The following RBFOX1 variants were observed in gnomAD, a reference collection of about 807,000 sequenced individuals.
The protein encoded by RBFOX1 is RNA binding protein fox-1 homolog 1.
RBFOX1 carries 8 observed loss-of-function variants against 57.7 expected under a neutral mutation model. The observed-to-expected ratio is 0.14, with a 90% CI of 0.08 to 0.25. The LOEUF is 0.25. RBFOX1 is among the 10% of genes least tolerant of loss of function. The pLI is 1.00. For synonymous variants in RBFOX1, 326 were observed against 222.4 expected (o/e 1.47, Z -4.15); for missense variants, 611 against 548.5 (o/e 1.11, Z -1.14).
chr16:7,092,480 C>A (rs1022573255), intron 4 of RBFOX1, among the ~76,000 whole-genome samples: 2 of 152,186 alleles, frequency 1.3e-5, no homozygotes, highest in Non-Finnish European at 2.9e-5. Flanking sequence ...TCCACAACAG[C>A]CTCTTTAATA....
intron 2 of RBFOX1, among the ~76,000 whole-genome samples, chr16:6,578,349 G>A (rs1012720216): frequency 4.6e-5 from 7 of 152,260 alleles, no homozygotes; most frequent in East Asian, 1.9e-4. Flanking sequence ...CAATGTCCCC[G>A]GGACACAGCA....
intron 3 of RBFOX1, among the ~76,000 whole-genome samples, chr16:6,898,922 T>A (rs1447140508): frequency 6.6e-6 from 1 of 151,590 alleles, no homozygotes; most frequent in Non-Finnish European, 1.5e-5. Flanking sequence ...TGCATATGTG[T>A]ATATGTGTGT....
intron 2 of RBFOX1, among the ~76,000 whole-genome samples, chr16:6,652,683 G>T (rs34005634): frequency 1.3e-5 from 2 of 151,972 alleles, no homozygotes; most frequent in African/African-American, 2.4e-5. Flanking sequence ...ATTCCTAGCC[G>T]ACTCATACAA....
At chr16:5,769,422 C>G (rs1160100636) in intron 3 of RBFOX1, among the ~76,000 whole-genome samples, 4 of 150,560 alleles carry the variant, frequency 2.7e-5, no homozygotes, top group Admixed American at 1.3e-4. Context: ...AGGTGGATCA[C>G]TTGAAGTCAG....
intron 4 of RBFOX1, among the ~76,000 whole-genome samples, chr16:7,339,443 G>GTAT (rs780688779): frequency 2.6e-5 from 4 of 152,058 alleles, no homozygotes; most frequent in African/African-American, 9.7e-5. Flanking sequence ...AGATATTTAT[G>GTAT]TATTATTATT....
chr16:7,684,014 C>T (rs2075501486), intron 14 of RBFOX1, among the ~76,000 whole-genome samples: 1 of 152,172 alleles, frequency 6.6e-6, no homozygotes, highest in African/African-American at 2.4e-5. Context: ...TGGTAGTATA[C>T]TATCTTTCAA....
chr16:5,549,161 A>G (rs1012342750), intron 2 of RBFOX1, among the ~76,000 whole-genome samples: 3 of 152,146 alleles, frequency 2.0e-5, no homozygotes, highest in African/African-American at 7.2e-5. Flanking sequence ...AACATTGCAG[A>G]TGGTTGTTCC....
chr16:6,759,174 A>G (rs1261535895), intron 3 of RBFOX1, among the ~76,000 whole-genome samples: 1 of 150,104 alleles, frequency 6.7e-6, no homozygotes, highest in Admixed American at 6.7e-5. Context: ...TTTGTGAGAC[A>G]GAGTCTCGCT....
chr16:6,220,127 A>G (rs894758369), intron 1 of RBFOX1, among the ~76,000 whole-genome samples: 1 of 152,054 alleles, frequency 6.6e-6, no homozygotes. Context: ...ATTTATCTGT[A>G]TATCATCTAT....
chr16:7,489,322 C>T (rs527414839), intron 4 of RBFOX1, among the ~76,000 whole-genome samples: 1 of 152,094 alleles, frequency 6.6e-6, no homozygotes, highest in Non-Finnish European at 1.5e-5. Context: ...CCTGAGGTAC[C>T]TTTTGGCAAG....
intron 5 of RBFOX1, among the ~76,000 whole-genome samples, chr16:7,567,599 ATATAT>A (rs2092161081): frequency 4.4e-5 from 1 of 22,744 alleles, no homozygotes; most frequent in African/African-American, 9.6e-5. Flanking sequence ...GGCCCTATAT[ATATAT>A]CCCTTTATAT....
chr16:7,312,024 A>C (rs576981264), intron 4 of RBFOX1, among the ~76,000 whole-genome samples: 75 of 152,348 alleles, frequency 4.9e-4, no homozygotes, highest in Non-Finnish European at 9.7e-4. Flanking sequence ...AGTAAGATGC[A>C]AATGGGAACA....
chr16:6,254,828 C>T (rs971402566), intron 1 of RBFOX1, among the ~76,000 whole-genome samples: 2 of 152,260 alleles, frequency 1.3e-5, no homozygotes, highest in Admixed American at 6.5e-5. Context: ...TAACACTTCT[C>T]ATGTCCTCTT....
At chr16:7,603,588 T>C (rs547593517) in intron 9 of RBFOX1, among the ~76,000 whole-genome samples, 2 of 152,070 alleles carry the variant, frequency 1.3e-5, no homozygotes, top group African/African-American at 2.4e-5. Flanking sequence ...CTAAATAACA[T>C]GAAGTCGACT....
chr16:7,103,900 G>C (rs1207861487), intron 4 of RBFOX1, among the ~76,000 whole-genome samples: 1 of 152,244 alleles, frequency 6.6e-6, no homozygotes, highest in Non-Finnish European at 1.5e-5. Flanking sequence ...AGATGTTTCT[G>C]TTGTTTAGCT....
intron 3 of RBFOX1, among the ~76,000 whole-genome samples, chr16:6,946,013 G>C (rs1435557569): frequency 6.6e-6 from 1 of 152,178 alleles, no homozygotes; most frequent in Non-Finnish European, 1.5e-5. Context: ...AGCCTCTGGA[G>C]CCCCCTTTGC....
intron 4 of RBFOX1, among the ~76,000 whole-genome samples, chr16:5,964,850 C>G (rs1357364992): frequency 6.6e-6 from 1 of 151,680 alleles, no homozygotes; most frequent in Non-Finnish European, 1.5e-5. Context: ...ACACAATGAC[C>G]TTAGAGTTCA....
chr16:5,312,487 T>G (rs1306297487), intron 1 of RBFOX1, among the ~76,000 whole-genome samples: 1 of 152,156 alleles, frequency 6.6e-6, no homozygotes, highest in Non-Finnish European at 1.5e-5. Context: ...CACTAAATTT[T>G]GTGGTTTTTA....
chr16:6,775,917 A>G (rs564083369), intron 3 of RBFOX1: 2 of 152,310 alleles, frequency 1.3e-5, no homozygotes, highest in South Asian at 4.1e-4. Flanking sequence ...CTTCTTTCCA[A>G]GTCTCCTGTG....
Sources: allele counts gnomAD v4.1 joint callset (sites outside exome capture counted in the v4.1 genomes callset), GRCh38; gene constraint gnomAD v4.1.1; transcripts MANE v1.5; gene names NCBI Gene and HGNC (gene_info 2026-07-23, HGNC 2026-07-21).